Variants in IKBKB observed in about 807,000 individuals in gnomAD.
IKBKB encodes inhibitor of nuclear factor kappa-B kinase subunit beta.
IKBKB carries 42 observed loss-of-function variants against 113.6 expected under a neutral mutation model. That is an observed-to-expected ratio of 0.37 (90% CI 0.29 to 0.48). The LOEUF is 0.48. IKBKB is among the 20% of genes least tolerant of loss of function. IKBKB has a pLI of 0.99. For missense variants in IKBKB, 673 were observed against 939.7 expected, an observed-to-expected ratio of 0.72 and a Z score of 3.71; for synonymous variants, 296 against 361.3, an observed-to-expected ratio of 0.82 and a Z score of 2.05.
chr8:42,290,128 C>T (rs200009557), intron 3 of IKBKB, 28 bp from the exon 4 acceptor site: 313 of 1,529,562 alleles, frequency 2.0e-4, no homozygotes, highest in Middle Eastern at 5.1e-4. Context: ...GAGCCTGGGT[C>T]TGCTCTCATC....
At chr8:42,315,812 A>G (rs887674350) in intron 9 of IKBKB, among the ~76,000 whole-genome samples, 2 of 152,064 alleles carry the variant, frequency 1.3e-5, no homozygotes, top group African/African-American at 4.8e-5. Flanking sequence ...ACAGGTGTGC[A>G]TCACCACGCC....
chr8:42,281,782 A>G (rs577514593), intron 2 of IKBKB, among the ~76,000 whole-genome samples: 7 of 152,198 alleles, frequency 4.6e-5, no homozygotes, highest in Non-Finnish European at 5.9e-5. Flanking sequence ...GGAGGTTTTT[A>G]CTAATTGCCC....
At chr8:42,320,578 C>T (rs916481631) in intron 15 of IKBKB, 157 bp from the exon 16 acceptor site, 6 of 595,376 alleles carry the variant, frequency 1.0e-5, no homozygotes, top group African/African-American at 3.9e-5. Context: ...TAGATGCAGG[C>T]GCAGCCATTC....
intron 1 of IKBKB, chr8:42,271,716 C>G: frequency 2.0e-6 from 1 of 511,084 alleles, no homozygotes; most frequent in Non-Finnish European, 3.4e-6. Flanking sequence ...AAACACGTGA[C>G]CTCGGCGATG....
In IKBKB at chr8:42,308,556, C is replaced by A. The variant is rs556900616; in HGVS notation, c.568-345C>A. Among the ~76,000 whole-genome samples the A allele has an allele frequency of 8.5e-5, 13 of 152,248 alleles. No homozygotes were observed. The South Asian group carries it at 1.5e-3, about 17-fold the overall frequency. ...CAAGTAATGCGCCTACCTCGGCCTC[C>A]CAAAGTGCTGGGATTACACGTGTGA... On this transcript the variant is annotated intron_variant, in intron 7 of 21. Coordinates refer to ENST00000520810, the MANE Select transcript of IKBKB (RefSeq NM_001556.3).
At chr8:42,323,690 C>T (rs1026303695) in intron 19 of IKBKB, among the ~76,000 whole-genome samples, 1 of 152,074 alleles carries the variant, frequency 6.6e-6, no homozygotes, top group Non-Finnish European at 1.5e-5. Context: ...GGGCTGGGGT[C>T]GCATGCCAGA....
intron 5 of IKBKB, among the ~76,000 whole-genome samples, chr8:42,299,147 T>A (rs1814584417): frequency 6.6e-6 from 1 of 152,090 alleles, no homozygotes; most frequent in Non-Finnish European, 1.5e-5. Context: ...CCTCCTGCCA[T>A]CCCCTTTCTT....
chr8:42,292,927 G>A lies in IKBKB; in HGVS notation c.319-516G>A, dbSNP rs189759430. On this transcript the variant is annotated intron_variant, in intron 4 of 21. Transcript: ENST00000520810. Reference sequence around the variant, plus strand: ...GGTGGTTAGTATTAAATGAGGTCACGCAGGGAAGGCTTTGCTGAGCTAATC... The same window carrying A: ...GGTGGTTAGTATTAAATGAGGTCACACAGGGAAGGCTTTGCTGAGCTAATC... Among the ~76,000 whole-genome samples, 8 of 152,302 alleles carry A rather than the reference G, an allele frequency of 5.3e-5. No homozygotes were observed. The East Asian group carries it at 1.2e-3, about 22-fold the overall frequency.
intron 20 of IKBKB, 100 bp from the exon 21 acceptor site, chr8:42,329,024 A>C: frequency 2.2e-6 from 2 of 896,436 alleles, no homozygotes; most frequent in Non-Finnish European, 3.4e-6. Flanking sequence ...TACTTCATTT[A>C]AAAAGTATTA....
intron 20 of IKBKB, among the ~76,000 whole-genome samples, chr8:42,327,535 G>A (rs1298952931): frequency 1.3e-4 from 20 of 150,928 alleles, no homozygotes; most frequent in African/African-American, 3.4e-4. Context: ...GGGTTTCACC[G>A]TATTAGCCAG....
At chr8:42,326,784 A>G (rs540751373) in intron 20 of IKBKB, among the ~76,000 whole-genome samples, 2 of 152,318 alleles carry the variant, frequency 1.3e-5, no homozygotes, top group East Asian at 3.9e-4. Context: ...GTTGGGGCCC[A>G]GCAGTCTGTG....
intron 5 of IKBKB, among the ~76,000 whole-genome samples, chr8:42,303,092 TGAGAGAGA>T (rs763171765): frequency 1.6e-4 from 11 of 70,134 alleles, no homozygotes; most frequent in African/African-American, 2.1e-4. Flanking sequence ...AGAGAGAGAA[TGAGAGAGA>T]GAGAGAGAGA....
chr8:42,280,035 A>G (rs1810029749), intron 2 of IKBKB, among the ~76,000 whole-genome samples: 1 of 151,904 alleles, frequency 6.6e-6, no homozygotes, highest in Non-Finnish European at 1.5e-5. Flanking sequence ...TTTTGTAGAG[A>G]TGAGGTCTTT....
chr8:42,320,857 T>TG lies in IKBKB; in HGVS notation c.1688+19dup. 1 of 1,552,714 alleles carries TG rather than the reference T, an allele frequency of 6.4e-7. No individual in the cohort carries two copies. On this transcript the variant is annotated intron_variant, in intron 16 of 21. Transcript: ENST00000520810. Reference sequence around the variant, plus strand: ...CGCTGGACGACCTGTGAGTACTGGCTGGGGGGCCCCTCTGTGCCCAGCACA... The same window carrying TG: ...CGCTGGACGACCTGTGAGTACTGGCTGGGGGGGCCCCTCTGTGCCCAGCACA...
At chr8:42,283,867 A>G (rs17875671) in intron 2 of IKBKB, among the ~76,000 whole-genome samples, 9,827 of 152,260 alleles carry the variant, frequency 0.065, 452 homozygotes, top group Non-Finnish European at 0.09. Flanking sequence ...AACGAACCAT[A>G]AGTTACAGTC....
At chr8:42,282,176 G>A (rs1810496846) in intron 2 of IKBKB, among the ~76,000 whole-genome samples, 1 of 152,066 alleles carries the variant, frequency 6.6e-6, no homozygotes, top group African/African-American at 2.4e-5. Flanking sequence ...CCAGTTTTTT[G>A]TTGTTTTGTG....
At chr8:42,271,929 A>G in intron 1 of IKBKB, 154 bp from the exon 2 acceptor site, 1 of 847,718 alleles carries the variant, frequency 1.2e-6, no homozygotes, top group Non-Finnish European at 1.8e-6. Flanking sequence ...GTTTGGACCA[A>G]CCAAACACAT....
intron 13 of IKBKB, chr8:42,319,000 A>G (rs1819250560): frequency 1.8e-6 from 1 of 554,694 alleles, no homozygotes; most frequent in Non-Finnish European, 3.2e-6. Context: ...CTGGGGACTT[A>G]CGGACTCTTT....
rs183916094 is a variant in IKBKB, at chr8:42,312,885, A to G, written c.693-1437A>G. Among the ~76,000 whole-genome samples, 255 of 152,358 alleles carry G rather than the reference A, an allele frequency of 1.7e-3. 1 individual carries two copies. Among genetic ancestry groups the G allele is most frequent in the Admixed American group, 4.1e-3 (62 of 15,304 alleles). On this transcript the variant is annotated intron_variant, in intron 8 of 21. Transcript: ENST00000520810. ...TTGAATTTCCTAGATGTTTTGAGGAAAAACCGTAGTTGGACATTCAGACAG... is the reference window on the plus strand; with the variant it reads ...TTGAATTTCCTAGATGTTTTGAGGAGAAACCGTAGTTGGACATTCAGACAG...
Sources: gnomAD v4.1 joint callset for allele counts (sites outside exome capture counted in the v4.1 genomes callset) on GRCh38, gnomAD v4.1.1 for gene constraint, MANE v1.5 for transcripts, NCBI Gene and HGNC (gene_info 2026-07-23, HGNC 2026-07-21) for gene names.